PCP4L1: variants seen among roughly 807,000 people sequenced by gnomAD.
PCP4L1 encodes the protein Purkinje cell protein 4 like 1, also known as Purkinje cell protein 4-like protein 1.
A neutral mutation model predicts 9.6 loss-of-function variants in PCP4L1; 9 were observed. The ratio of observed to expected loss-of-function variants is 0.94; its 90% CI spans 0.57 to 1.64. The LOEUF is 1.64. Among genes scored for constraint, PCP4L1 ranks in the 40% most tolerant of loss-of-function variants. The probability of loss-of-function intolerance (pLI) is 0.00; values close to 1 mark genes in which losing one functional copy is unlikely to be tolerated. For missense variants in PCP4L1, 81 were observed against 80.8 expected (o/e 1.00, Z -0.01); for synonymous variants, 31 against 28.2 (o/e 1.10, Z -0.31).
chr1:161,275,123 G>T (rs1363975804), intron 1 of PCP4L1, among the ~76,000 whole-genome samples: 1 of 152,164 alleles, frequency 6.6e-6, no homozygotes, highest in Admixed American at 6.5e-5. Context: ...GTGGCAGCCT[G>T]TGTGGTTTAG....
At chr1:161,259,946 A>AT (rs1416204931) in intron 1 of PCP4L1, among the ~76,000 whole-genome samples, 1 of 152,206 alleles carries the variant, frequency 6.6e-6, no homozygotes, top group African/African-American at 2.4e-5. Context: ...CCTTTGTTTC[A>AT]TTTTTTGTCT....
At position 161,281,772 on chromosome 1, in the gene PCP4L1, TCCTCACATC is replaced by T. The variant is rs1669814287; in HGVS notation, c.10-1893_10-1885del. 1.1e-4 allele frequency among the ~76,000 whole-genome samples: 3 copies of T among 26,460 alleles called. 1 individual carries two copies. In the South Asian group the frequency reaches 3.8e-3, roughly 34 times the overall value. The allele number at this position is 26,460 out of a possible 152,430, so 17.4% of individuals were successfully genotyped here. Reference sequence around the variant, plus strand: ...CGGGGTCACGGCCGGGCAGAGGCGCTCCTCACATCCCGGACGGGGCGGCGGGGCAGAGGC... The same window carrying T: ...CGGGGTCACGGCCGGGCAGAGGCGCTCCGGACGGGGCGGCGGGGCAGAGGC... On this transcript the variant is annotated intron_variant, in intron 1 of 2. Transcript: ENST00000504449.
chr1:161,282,648 A>G (rs1366216700), intron 1 of PCP4L1, among the ~76,000 whole-genome samples: 2 of 152,146 alleles, frequency 1.3e-5, no homozygotes, highest in East Asian at 1.9e-4. Context: ...CTTCTCTTGG[A>G]TAATTAATAG....
intron 1 of PCP4L1, among the ~76,000 whole-genome samples, chr1:161,264,599 C>T (rs937379495): frequency 6.6e-6 from 1 of 152,032 alleles, no homozygotes; most frequent in Non-Finnish European, 1.5e-5. Flanking sequence ...GAGGCTGAAG[C>T]AGGAGGACTG....
chr1:161,275,735 A>C (rs533474898), intron 1 of PCP4L1, among the ~76,000 whole-genome samples: 2 of 151,396 alleles, frequency 1.3e-5, no homozygotes, highest in African/African-American at 2.4e-5. Flanking sequence ...TTAACCTATG[A>C]TCCTCTTGTC....
intron 1 of PCP4L1, among the ~76,000 whole-genome samples, chr1:161,269,389 T>A (rs1266546865): frequency 6.6e-6 from 1 of 152,208 alleles, no homozygotes; most frequent in Non-Finnish European, 1.5e-5. Flanking sequence ...TGACTTGGCT[T>A]CTGAATCCCT....
At chr1:161,282,430 G>C (rs903681282) in intron 1 of PCP4L1, among the ~76,000 whole-genome samples, 2 of 147,168 alleles carry the variant, frequency 1.4e-5, no homozygotes, top group Non-Finnish European at 3.0e-5. Flanking sequence ...GGGAGGGGGA[G>C]GGAGAGGGAG....
intron 1 of PCP4L1, among the ~76,000 whole-genome samples, chr1:161,270,735 CATGGTGGCATGTGCTTGTAGTCCCAGCT>C (rs1225323757): frequency 6.6e-6 from 1 of 151,938 alleles, no homozygotes; most frequent in Non-Finnish European, 1.5e-5. Context: ...ATTAGCTGGG[CATGGTGGCATGTGCTTGTAGTCCCAGCT>C]ACTGGGGTAG....
chr1:161,263,218 GGTTTTT>G (rs1158994909), intron 1 of PCP4L1, among the ~76,000 whole-genome samples: 18 of 149,276 alleles, frequency 1.2e-4, no homozygotes, highest in Admixed American at 3.3e-4. Flanking sequence ...GTAAATACAG[GGTTTTT>G]GTTTTTGTTT....
In PCP4L1 at chr1:161,263,230, T is replaced by C. The variant is rs192880638; in HGVS notation, c.9+4247T>C. Among the ~76,000 whole-genome samples the C allele has an allele frequency of 3.0e-3, 445 of 146,838 alleles. 1 individual carries two copies. Among genetic ancestry groups the C allele is most frequent in the African/African-American group, 9.6e-3 (394 of 41,162 alleles). Reference sequence around the variant, plus strand: ...TCAGTAAATACAGGGTTTTTGTTTTTGTTTTTGTTTTTGTTTTTTTTTGGG... The same window carrying C: ...TCAGTAAATACAGGGTTTTTGTTTTCGTTTTTGTTTTTGTTTTTTTTTGGG... On this transcript the variant is annotated intron_variant, in intron 1 of 2. Coordinates refer to ENST00000504449, the MANE Select transcript of PCP4L1 (RefSeq NM_001102566.2).
intron 1 of PCP4L1, among the ~76,000 whole-genome samples, chr1:161,275,202 C>A (rs1669678452): frequency 6.6e-6 from 1 of 152,084 alleles, no homozygotes; most frequent in South Asian, 2.1e-4. Flanking sequence ...GAAACAGCCA[C>A]CTGAGGGAAG....
At chr1:161,261,253 T>G (rs1176398288) in intron 1 of PCP4L1, among the ~76,000 whole-genome samples, 1 of 152,190 alleles carries the variant, frequency 6.6e-6, no homozygotes, top group East Asian at 1.9e-4. Context: ...GAGACTCCTA[T>G]TTCAACTGAA....
intron 1 of PCP4L1, among the ~76,000 whole-genome samples, chr1:161,280,709 T>C (rs1558146352): frequency 6.6e-6 from 1 of 152,322 alleles, no homozygotes; most frequent in African/African-American, 2.4e-5. Flanking sequence ...GAATTAGACA[T>C]AGTCATTCTC....
At chr1:161,283,779 C>A in intron 2 of PCP4L1, 57 bp downstream of exon 2, 2 of 1,508,162 alleles carry the variant, frequency 1.3e-6, no homozygotes, top group African/African-American at 1.4e-5. Context: ...GACATAAAGA[C>A]AAGTAGGGTG....
chr1:161,267,958 C>T (rs1669556622), intron 1 of PCP4L1, among the ~76,000 whole-genome samples: 2 of 152,214 alleles, frequency 1.3e-5, no homozygotes, highest in Admixed American at 1.3e-4. Flanking sequence ...GGTGATCCCC[C>T]TGCCTTGGCC....
intron 1 of PCP4L1, among the ~76,000 whole-genome samples, chr1:161,263,647 T>C (rs1451018985): frequency 6.6e-6 from 1 of 151,430 alleles, no homozygotes; most frequent in Non-Finnish European, 1.5e-5. Context: ...AGTGGCATGA[T>C]CATGGCTCAC....
intron 1 of PCP4L1, among the ~76,000 whole-genome samples, chr1:161,267,415 A>C (rs1298355014): frequency 6.6e-6 from 1 of 152,218 alleles, no homozygotes; most frequent in Non-Finnish European, 1.5e-5. Context: ...TAAAGAGCCC[A>C]GTGGGCTGAG....
At chr1:161,276,641 A>C (rs1195788406) in intron 1 of PCP4L1, among the ~76,000 whole-genome samples, 3 of 151,432 alleles carry the variant, frequency 2.0e-5, no homozygotes. Flanking sequence ...TGATTGTGCC[A>C]CTGCACTCCA....
At chr1:161,264,152 A>T (rs1450014528) in intron 1 of PCP4L1, among the ~76,000 whole-genome samples, 2 of 148,694 alleles carry the variant, frequency 1.3e-5, no homozygotes, top group East Asian at 4.1e-4. Flanking sequence ...GCCTCAAGTG[A>T]TCCACCTGTC....
Sources: gnomAD v4.1 joint callset for allele counts (sites outside exome capture counted in the v4.1 genomes callset) on GRCh38, gnomAD v4.1.1 for gene constraint, MANE v1.5 for transcripts, NCBI Gene and HGNC (gene_info 2026-07-23, HGNC 2026-07-21) for gene names.